The following THOC7 variants were observed in gnomAD, a reference collection of about 807,000 sequenced individuals.
THOC7 encodes the protein THO complex subunit 7, also known as NIF3L1-binding protein 1.
THOC7 carries 22 observed loss-of-function variants against 33.1 expected under a neutral mutation model. The ratio of observed to expected loss-of-function variants is 0.66; its 90% CI spans 0.47 to 0.95. The LOEUF (loss-of-function observed/expected upper bound fraction) is 0.95. Among genes scored for constraint, THOC7 ranks in the 40% least tolerant of loss-of-function variants. THOC7 has a pLI of 0.00. For missense variants in THOC7, 184 were observed against 245.3 expected (o/e 0.75, Z 1.67); for synonymous variants, 77 against 76.8 (o/e 1.00, Z -0.01).
chr3:63,835,287 T>TA, intron 6 of THOC7, 37 bp downstream of exon 6: 1 of 1,612,178 alleles, frequency 6.2e-7, no homozygotes, highest in Non-Finnish European at 8.5e-7. Flanking sequence ...GACAGACAGA[T>TA]AGACAGATCA....
chr3:63,859,266 T>G (rs1702165005), intron 1 of THOC7, among the ~76,000 whole-genome samples: 1 of 152,268 alleles, frequency 6.6e-6, no homozygotes, highest in Non-Finnish European at 1.5e-5. Context: ...ATTGGATCAC[T>G]AACTCTCCTG....
At chr3:63,836,173 T>C in intron 5 of THOC7, 128 bp downstream of exon 5, 2 of 795,052 alleles carry the variant, frequency 2.5e-6, no homozygotes, top group Non-Finnish European at 3.9e-6. Context: ...TATGGGAAAA[T>C]ATAATATTGA....
At chr3:63,838,303 G>A in intron 3 of THOC7, 69 bp downstream of exon 3, 2 of 1,123,402 alleles carry the variant, frequency 1.8e-6, no homozygotes, top group Non-Finnish European at 2.5e-6. Context: ...AAAGAAAATT[G>A]TTAGCAGGTA....
intron 1 of THOC7, among the ~76,000 whole-genome samples, chr3:63,841,069 T>C (rs1701747918): frequency 6.6e-6 from 1 of 152,188 alleles, no homozygotes; most frequent in African/African-American, 2.4e-5. Context: ...ATTCACATAA[T>C]GTAATAGTAT....
chr3:63,853,626 C>T (rs112711594), intron 1 of THOC7, among the ~76,000 whole-genome samples: 4 of 152,250 alleles, frequency 2.6e-5, no homozygotes, highest in African/African-American at 7.2e-5. Flanking sequence ...ATTTAATTCA[C>T]GGCCGGGCAC....
At position 63,834,017 on chromosome 3, in the gene THOC7, AAC is replaced by A. The variant is rs1448589410; in HGVS notation, c.*113_*114del. 42 of 932,728 alleles carry A rather than the reference AAC, an allele frequency of 4.5e-5. No individual in the cohort carries two copies. The highest frequency in any genetic ancestry group is 2.2e-4 in the Middle Eastern group (1 of 4,496). 57.8% of individuals were successfully genotyped at this position (932,728 alleles called of 1,614,324 possible). On this transcript the variant is annotated 3_prime_UTR_variant, in exon 8 of 8. Transcript: ENST00000295899. ...TGAATGAAATACATTCATACTTAAA[AAC>A]AGAGTATTTTACTGCCAAAACTTTA...
upstream of THOC7, among the ~76,000 whole-genome samples, chr3:63,864,157 AG>A (rs1702329175): frequency 6.8e-6 from 1 of 146,956 alleles, no homozygotes; most frequent in African/African-American, 2.5e-5. Context: ...GCCAGCCGCC[AG>A]GTGAGCTCGC....
At chr3:63,838,786 CT>C (rs553436466) in intron 2 of THOC7, among the ~76,000 whole-genome samples, 7 of 152,096 alleles carry the variant, frequency 4.6e-5, no homozygotes, top group African/African-American at 1.7e-4. Context: ...TTTAGAAATA[CT>C]TTAAGATGTT....
intron 1 of THOC7, among the ~76,000 whole-genome samples, chr3:63,845,538 C>T (rs940997616): frequency 6.6e-6 from 1 of 152,172 alleles, no homozygotes; most frequent in African/African-American, 2.4e-5. Context: ...ACGGCAGTCA[C>T]AGTAAGTGGT....
At chr3:63,854,880 C>T (rs1307925614) in intron 1 of THOC7, 2 of 150,904 alleles carry the variant, frequency 1.3e-5, no homozygotes, top group Admixed American at 6.6e-5. Flanking sequence ...TAGTGGCGGG[C>T]GCCTGTAGTC....
chr3:63,834,008 A>T lies in THOC7; in HGVS notation c.*124T>A. The T allele has an allele frequency of 1.2e-6, 1 of 828,756 alleles. No individual in the cohort carries two copies. Among genetic ancestry groups the T allele is most frequent in the Non-Finnish European group, 1.9e-6 (1 of 536,396 alleles). The allele number at this position is 828,756 out of a possible 1,614,324, so 51.3% of individuals were successfully genotyped here. ...GAGGAAATATGAATGAAATACATTC[A>T]TACTTAAAAACAGAGTATTTTACTG... On this transcript the variant is annotated 3_prime_UTR_variant, in exon 8 of 8. Coordinates refer to ENST00000295899, the MANE Select transcript of THOC7 (RefSeq NM_025075.4).
intron 1 of THOC7, among the ~76,000 whole-genome samples, chr3:63,853,920 A>C (rs977483357): frequency 4.6e-5 from 7 of 152,210 alleles, no homozygotes; most frequent in African/African-American, 1.7e-4. Flanking sequence ...AAAAAAAAAA[A>C]AAAAATTTAA....
In THOC7 at chr3:63,836,307, G is replaced by A. The variant is rs2107117883; in HGVS notation, c.404C>T (p.Thr135Ile). ...VIQHHPDRHE[T>I]LKELEALGKE... ...AGTAAAGCTCTACACTTACTTTAAT[G>A]TCTCATGCCTGTCTGGATGGTGCTG... Residue 135 changes from threonine (T) to isoleucine (I), a missense_variant, in exon 5 of 8, where the codon ACA becomes ATA. Thr to Ile is a moderately conservative substitution (Grantham distance 89). Around this residue, in one of 3 missense-constraint regions of THOC7, gnomAD observed 157 missense variants for 201.3 expected, o/e 0.78. Transcript: ENST00000295899. 1 of 1,612,310 alleles carries A rather than the reference G, an allele frequency of 6.2e-7. No individual in the cohort carries two copies. The highest frequency in any genetic ancestry group is 2.2e-5 in the East Asian group (1 of 44,756).
At chr3:63,856,640 A>C (rs978260893) in intron 1 of THOC7, among the ~76,000 whole-genome samples, 9 of 152,332 alleles carry the variant, frequency 5.9e-5, no homozygotes, top group Middle Eastern at 6.8e-3. Flanking sequence ...TAGCCAGCAG[A>C]TACGTAACAC....
intron 1 of THOC7, among the ~76,000 whole-genome samples, chr3:63,856,485 T>C (rs150327927): frequency 1.3e-5 from 2 of 152,294 alleles, no homozygotes; most frequent in East Asian, 3.9e-4. Context: ...ATTGTATGCA[T>C]GTATCAAAAT....
chr3:63,850,481 G>A (rs780107342), intron 1 of THOC7, among the ~76,000 whole-genome samples: 4 of 151,242 alleles, frequency 2.6e-5, no homozygotes, highest in Admixed American at 6.6e-5. Flanking sequence ...GATTACAAGC[G>A]TGAGTCACCA....
At chr3:63,853,862 C>G (rs147455593) in intron 1 of THOC7, among the ~76,000 whole-genome samples, 189 of 150,570 alleles carry the variant, frequency 1.3e-3, no homozygotes, top group African/African-American at 4.4e-3. Context: ...GAGCCAAGGT[C>G]GCGCCACTGC....
intron 1 of THOC7, chr3:63,863,562 G>A (rs2107178147): frequency 8.4e-7 from 1 of 1,196,452 alleles, no homozygotes; most frequent in South Asian, 4.3e-5. Context: ...GTCTCCGAGG[G>A]GCGCTCGGGC....
At chr3:63,844,167 A>G (rs1701836033) in intron 1 of THOC7, among the ~76,000 whole-genome samples, 1 of 152,186 alleles carries the variant, frequency 6.6e-6, no homozygotes, top group Non-Finnish European at 1.5e-5. Context: ...ACAGAAATAG[A>G]GAGTATAATG....
Sources: allele counts gnomAD v4.1 joint callset (sites outside exome capture counted in the v4.1 genomes callset), GRCh38; gene constraint gnomAD v4.1.1; regional missense constraint gnomAD v4.1.1; transcripts MANE v1.5; gene names NCBI Gene and HGNC (gene_info 2026-07-23, HGNC 2026-07-21).